RACK1: variants seen among roughly 807,000 people sequenced by gnomAD.
The protein encoded by RACK1 is small ribosomal subunit protein RACK1.
Under a neutral mutation model 42.2 loss-of-function variants are expected in RACK1, and 3 were observed. The observed-to-expected ratio is 0.07, with a 90% CI of 0.03 to 0.18. The LOEUF is 0.18. Ranked by LOEUF, RACK1 falls within the 10% of genes least tolerant of loss-of-function variation. The pLI is 1.00. For synonymous variants in RACK1, 181 were observed against 154.8 expected (o/e 1.17, Z -1.25); for missense variants, 146 against 403.2 (o/e 0.36, Z 5.46).
chr5:181,242,763 T>C, intron 1 of RACK1: 1 of 349,260 alleles, frequency 2.9e-6, no homozygotes, highest in South Asian at 2.1e-5. Context: ...GTTTCACCAT[T>C]GGCCAGGCTA....
chr5:181,243,542 G>A (rs569717293), intron 1 of RACK1, 150 bp downstream of exon 1: 2 of 1,390,326 alleles, frequency 1.4e-6, no homozygotes, highest in South Asian at 2.8e-5. Context: ...GGGTCCGCAC[G>A]CCCCAATTCA....
intron 3 of RACK1, chr5:181,241,265 C>T (rs1015115117): frequency 2.5e-5 from 12 of 471,838 alleles, no homozygotes; most frequent in African/African-American, 2.2e-4. Context: ...CCTGTCTCTA[C>T]TAAAACACAA....
At position 181,239,118 on chromosome 5, in the gene RACK1, C is replaced by T; in HGVS notation, c.585G>A (p.Leu195=). The T allele has an allele frequency of 6.2e-7, 1 of 1,614,026 alleles. No individual in the cohort carries two copies. Among genetic ancestry groups the T allele is most frequent in the Non-Finnish European group, 8.5e-7 (1 of 1,179,978 alleles). ...KTNHIGHTGY[L]NTVTVSPDGS... is the part of the protein sequence containing the mutation. ...CATCTGGAGAGACAGTCACCGTGTTCAGATAGCCTGTGTGGCCAATGTGGT... is the reference window on the plus strand; with the variant it reads ...CATCTGGAGAGACAGTCACCGTGTTTAGATAGCCTGTGTGGCCAATGTGGT... The change falls in exon 5 of 8, where the codon CTG becomes CTA. Residue 195 remains leucine (L), a synonymous_variant. Transcript: ENST00000512805.
chr5:181,242,543 G>A (rs766082274), intron 1 of RACK1, 198 bp from the exon 2 acceptor site: 9 of 678,632 alleles, frequency 1.3e-5, no homozygotes, highest in East Asian at 1.1e-4. Context: ...GCACGTAGAG[G>A]TAAACTGTAC....
chr5:181,238,369 C>T, intron 5 of RACK1, 130 bp from the exon 6 acceptor site: 2 of 894,560 alleles, frequency 2.2e-6, no homozygotes, highest in African/African-American at 1.7e-5. Flanking sequence ...AAGCTAATGA[C>T]TCAAGTACCA....
At position 181,238,189 on chromosome 5, in the gene RACK1, C is replaced by T. The variant is rs1286465035; in HGVS notation, c.687G>A (p.Thr229=). ...CGTTGATGATGTCCCCACCATCTAG[C>T]GTGTAAAGGTGTTTGCCTTCGTTGA... ...WDLNEGKHLY[T]LDGGDIINAL... is the part of the protein sequence containing the mutation. Residue 229 remains threonine (T), a synonymous_variant, in exon 6 of 8, where the codon ACG becomes ACA. Transcript: ENST00000512805. 8.1e-6 allele frequency: 13 copies of T among 1,613,878 alleles called. No individual in the cohort carries two copies. Among genetic ancestry groups the T allele is most frequent in the East Asian group, 4.5e-5 (2 of 44,888 alleles).
chr5:181,237,672 G>A lies in RACK1; in HGVS notation c.825C>T (p.Ile275=), dbSNP rs2113208146. The A allele has an allele frequency of 6.2e-7, 1 of 1,612,872 alleles. No individual in the cohort carries two copies. Among genetic ancestry groups the A allele is most frequent in the Non-Finnish European group, 8.5e-7 (1 of 1,178,808 alleles). Residue 275 remains isoleucine (I), a synonymous_variant, in exon 7 of 8, where the codon ATC becomes ATT. Transcript: ENST00000512805. ...GTGGTTCTGCCTTGCTGCTGGTACT[G>A]ATAACTTCTTGCTTCAGTTCATCTA... ...IIVDELKQEV[I]STSSKAEPPQ... is the part of the protein sequence containing the mutation.
intron 7 of RACK1, 27 bp from the exon 8 acceptor site, chr5:181,237,069 G>C: frequency 6.2e-7 from 1 of 1,612,532 alleles, no homozygotes; most frequent in Non-Finnish European, 8.5e-7. Context: ...ACAGTGACAG[G>C]TCAGGCTGGC....
chr5:181,238,447 A>T, intron 5 of RACK1: 1 of 539,412 alleles, frequency 1.9e-6, no homozygotes, highest in South Asian at 2.2e-5. Flanking sequence ...ACCCCTCCCA[A>T]CTTACATAAA....
chr5:181,242,730 C>T, intron 1 of RACK1: 1 of 352,830 alleles, frequency 2.8e-6, no homozygotes, highest in Non-Finnish European at 5.6e-6. Flanking sequence ...GCACGTCTGG[C>T]TAATTTTTTA....
chr5:181,242,105 C>T, intron 2 of RACK1, 69 bp downstream of exon 2: 2 of 1,382,704 alleles, frequency 1.4e-6, no homozygotes, highest in Non-Finnish European at 2.0e-6. Context: ...GGAAACCAGC[C>T]AATTGCATCC....
intron 4 of RACK1, 53 bp downstream of exon 4, chr5:181,239,434 C>A: frequency 7.7e-7 from 1 of 1,300,644 alleles, no homozygotes; most frequent in Non-Finnish European, 1.1e-6. Context: ...AGTGTATGAC[C>A]ACCTGGGAGC....
rs1025191779 is a variant in RACK1 at position 181,236,943 on chromosome 5, T to TTG, written c.*33_*34insCA. The TTG allele has an allele frequency of 1.3e-6, 2 of 1,560,732 alleles. No homozygotes were observed. The highest frequency in any genetic ancestry group is 2.8e-5 in the African/African-American group (2 of 71,586). On this transcript the variant is annotated 3_prime_UTR_variant, in exon 8 of 8. Coordinates refer to ENST00000512805, the MANE Select transcript of RACK1 (RefSeq NM_006098.5). ...AAACCTAAAAGTCAGAAAAGCCAGT[T>TTG]TTTTTTTTATTTGTAAAGCTCTGCC...
At chr5:181,241,832 G>C (rs749037214) in intron 2 of RACK1, 193 bp from the exon 3 acceptor site, 23 of 788,874 alleles carry the variant, frequency 2.9e-5, no homozygotes, top group South Asian at 5.4e-5. Flanking sequence ...CAGAATTGCA[G>C]GACATGTCCT....
chr5:181,240,696 A>G (rs1759310691), intron 3 of RACK1, among the ~76,000 whole-genome samples: 1 of 152,068 alleles, frequency 6.6e-6, no homozygotes. Flanking sequence ...AAAGAAAAAA[A>G]ATAAATAAAA....
chr5:181,237,508 A>G (rs1364528288), intron 7 of RACK1, 101 bp downstream of exon 7: 3 of 753,498 alleles, frequency 4.0e-6, no homozygotes, highest in Non-Finnish European at 7.2e-6. Context: ...ACTTTATGCC[A>G]AGGACACTGC....
At position 181,243,718 on chromosome 5, in the gene RACK1, G is replaced by A; in HGVS notation, c.83C>T (p.Pro28Leu). Residue 28 changes from proline to leucine, a missense_variant, in exon 1 of 8, where the codon CCG becomes CTG. Coordinates refer to ENST00000512805, the MANE Select transcript of RACK1 (RefSeq NM_006098.5). ...TCGAGAGGCGGAGAGGATCATGTCC[G>A]GGAACTGCGGGGTAGTAGCGATCTG... is the stretch of plus-strand genomic sequence containing the variant. Reference protein sequence around the residue: ...VTQIATTPQFPDMILSASRDK... With the variant: ...VTQIATTPQFLDMILSASRDK... The A allele has an allele frequency of 1.9e-6, 3 of 1,608,214 alleles. No individual in the cohort carries two copies. The highest frequency in any genetic ancestry group is 2.5e-6 in the Non-Finnish European group (3 of 1,177,448).
intron 1 of RACK1, chr5:181,243,474 T>G (rs1430132553): frequency 4.1e-6 from 6 of 1,470,078 alleles, no homozygotes; most frequent in Non-Finnish European, 4.5e-6. Context: ...AGCTGCGAGC[T>G]GATGTACACG....
At chr5:181,238,880 A>G in intron 5 of RACK1, 187 bp downstream of exon 5, 2 of 667,674 alleles carry the variant, frequency 3.0e-6, no homozygotes, top group Non-Finnish European at 5.5e-6. Context: ...TTTCTTCCAG[A>G]TAGTATGCCT....
Sources: allele counts gnomAD v4.1 joint callset (sites outside exome capture counted in the v4.1 genomes callset), GRCh38; gene constraint gnomAD v4.1.1; transcripts MANE v1.5; gene names NCBI Gene and HGNC (gene_info 2026-07-23, HGNC 2026-07-21).